Variants in TUBG2 observed in about 807,000 individuals in gnomAD.
TUBG2 encodes the protein tubulin gamma 2, also known as tubulin gamma-2 chain.
A neutral mutation model predicts 55.1 loss-of-function variants in TUBG2; 39 were observed. The ratio of observed to expected loss-of-function variants is 0.71; its 90% CI spans 0.55 to 0.93. The LOEUF is 0.93. TUBG2 is among the 40% of genes least tolerant of loss of function. The pLI is 0.00. For missense variants in TUBG2, 358 were observed against 599.1 expected, an observed-to-expected ratio of 0.60 and a Z score of 4.20; for synonymous variants, 223 against 241.0, an observed-to-expected ratio of 0.93 and a Z score of 0.69.
chr17:42,664,149 G>A (rs1285999440), intron 6 of TUBG2, among the ~76,000 whole-genome samples: 1 of 151,914 alleles, frequency 6.6e-6, no homozygotes, highest in African/African-American at 2.4e-5. Flanking sequence ...GGTGGCATGT[G>A]CCTGTAGTAC....
In TUBG2 at chr17:42,663,373, T is replaced by G; in HGVS notation, c.480-4T>G. On this transcript the variant is annotated splice_region_variant and splice_polypyrimidine_tract_variant and intron_variant, in intron 5 of 10. Transcript: ENST00000251412. ...CACTATGCCACCATCCTCTTTTCTC[T>G]CAGGTACCCCAAGAAGCTAGTGCAG... is the stretch of plus-strand genomic sequence containing the variant. The G allele has an allele frequency of 6.2e-7, 1 of 1,614,068 alleles. No individual in the cohort carries two copies. Among genetic ancestry groups the G allele is most frequent in the Non-Finnish European group, 8.5e-7 (1 of 1,179,986 alleles).
At position 42,666,414 on chromosome 17, in the gene TUBG2, A is replaced by C; in HGVS notation, c.1088A>C (p.Lys363Thr). Reference sequence around the variant, plus strand: ...AGCATCCAGGTGGCCCTGTCGAGGAAGTCTCCCTACCTGCCCTCGGCCCAC... The same window carrying C: ...AGCATCCAGGTGGCCCTGTCGAGGACGTCTCCCTACCTGCCCTCGGCCCAC... ...PASIQVALSR[K>T]SPYLPSAHRV... The change falls in exon 10 of 11, where the codon AAG (lysine) becomes ACG (threonine). Residue 363 changes from lysine to threonine, a missense_variant. Physicochemically the swap from Lys to Thr is moderately conservative, Grantham distance 78 (BLOSUM62 -1). Transcript: ENST00000251412. 2 of 1,614,178 alleles carry C rather than the reference A, an allele frequency of 1.2e-6. No individual in the cohort carries two copies. The highest frequency in any genetic ancestry group is 1.7e-6 in the Non-Finnish European group (2 of 1,179,996).
intron 6 of TUBG2, among the ~76,000 whole-genome samples, chr17:42,664,051 A>C (rs2052457023): frequency 6.6e-6 from 1 of 151,980 alleles, no homozygotes; most frequent in South Asian, 2.1e-4. Flanking sequence ...GGTTGCGGTG[A>C]GTCAAGATCA....
rs190361306 is a variant in TUBG2 at position 42,662,902 on chromosome 17, T to G, written c.400-71T>G. 2.5e-4 allele frequency: 376 copies of G among 1,490,544 alleles called. No individual in the cohort carries two copies. In the African/African-American group the frequency reaches 4.7e-3, roughly 19 times the overall value. 92.3% of individuals were successfully genotyped at this position (1,490,544 alleles called of 1,614,324 possible). On this transcript the variant is annotated intron_variant, in intron 4 of 10. Transcript: ENST00000251412. ...GATGTGTGTGGTAAGACCCCACCCATCTGGTATCAGAATTGTGTTGTGAGA... is the reference window on the plus strand; with the variant it reads ...GATGTGTGTGGTAAGACCCCACCCAGCTGGTATCAGAATTGTGTTGTGAGA...
Position 42,659,486 on chromosome 17 carries a change from G to T in TUBG2, c.-18G>T. The stretch of plus-strand genomic sequence containing the variant: ...ACTCTCGCCAGGCCGGGGCTGGCGC[G>T]CCCACGTCTGAAGAGCGATGCCCCG... On this transcript the variant is annotated 5_prime_UTR_variant, in exon 1 of 11. Transcript: ENST00000251412. 1 of 1,545,668 alleles carries T rather than the reference G, an allele frequency of 6.5e-7. No homozygotes were observed. Among genetic ancestry groups the T allele is most frequent in the Non-Finnish European group, 8.7e-7 (1 of 1,145,212 alleles).
At position 42,665,842 on chromosome 17, in the gene TUBG2, C is replaced by T. The variant is rs2052521972; in HGVS notation, c.843+15C>T. 2 of 1,614,128 alleles carry T rather than the reference C, an allele frequency of 1.2e-6. No homozygotes were observed. The highest frequency in any genetic ancestry group is 4.5e-5 in the East Asian group (2 of 44,890). On this transcript the variant is annotated intron_variant, in intron 8 of 10. Coordinates refer to ENST00000251412, the MANE Select transcript of TUBG2 (RefSeq NM_016437.3). ...CAGACCAGTCAGTAAGAGCAGCCTT[C>T]AGTGTCCCAGGCCAGGCTGGCCCTG...
At chr17:42,661,837 G>A (rs1406760109) in intron 4 of TUBG2, among the ~76,000 whole-genome samples, 2 of 152,324 alleles carry the variant, frequency 1.3e-5, no homozygotes, top group South Asian at 2.1e-4. Flanking sequence ...TGAGAACCTC[G>A]ATTTATAGCT....
chr17:42,666,907 C>A lies in TUBG2; in HGVS notation c.*107C>A. 8.1e-7 allele frequency: 1 copy of A among 1,229,478 alleles called. No individual in the cohort carries two copies. Among genetic ancestry groups the A allele is most frequent in the African/African-American group, 1.5e-5 (1 of 66,892 alleles). The allele number at this position is 1,229,478 out of a possible 1,614,324, so 76.2% of individuals were successfully genotyped here. A position where few individuals can be genotyped will look rare whatever the true frequency, so the allele number is the denominator to read the frequency against. ...TCATGGACAACCCTTCTTGGTTCATCTCCAGCCCGTGAGCTGGTCCTGCTT... is the reference window on the plus strand; with the variant it reads ...TCATGGACAACCCTTCTTGGTTCATATCCAGCCCGTGAGCTGGTCCTGCTT... On this transcript the variant is annotated 3_prime_UTR_variant, in exon 11 of 11. Transcript: ENST00000251412.
At position 42,666,745 on chromosome 17, in the gene TUBG2, A is replaced by G. The variant is rs772042715; in HGVS notation, c.1301A>G (p.Glu434Gly). 3.7e-6 allele frequency: 6 copies of G among 1,614,136 alleles called. No individual in the cohort carries two copies. The Admixed American group carries it at 1.0e-4, about 27-fold the overall frequency. The change falls in exon 11 of 11, where the codon GAG (glutamate) becomes GGG (glycine). Residue 434 changes from glutamate (E) to glycine (G), a missense_variant. By Grantham distance (98) the Glu-to-Gly change is moderately conservative. Coordinates refer to ENST00000251412, the MANE Select transcript of TUBG2 (RefSeq NM_016437.3). ...SREVVQELID[E>G]YHAATQPDYI... ...GAGGTTGTTCAGGAGCTCATTGATGAGTACCATGCGGCCACCCAGCCAGAC... is the reference window on the plus strand; with the variant it reads ...GAGGTTGTTCAGGAGCTCATTGATGGGTACCATGCGGCCACCCAGCCAGAC...
At chr17:42,659,652 C>A (rs1399394794) in intron 1 of TUBG2, 100 bp downstream of exon 1, 2 of 1,397,204 alleles carry the variant, frequency 1.4e-6, no homozygotes, top group Non-Finnish European at 1.9e-6. Context: ...CTTCCATGAA[C>A]CCCCTGCCCT....
chr17:42,660,802 C>T, intron 4 of TUBG2, 95 bp downstream of exon 4: 2 of 1,000,260 alleles, frequency 2.0e-6, no homozygotes, highest in Non-Finnish European at 3.1e-6. Flanking sequence ...ATGAGGGGAG[C>T]AATTCAATTC....
In TUBG2 at chr17:42,663,419, C is replaced by G. The variant is rs2052437491; in HGVS notation, c.522C>G (p.Tyr174Ter). The change falls in exon 6 of 11, where the codon TAC becomes TAG. Residue 174 changes from tyrosine to a stop codon, truncating the protein, a stop_gained. Transcript: ENST00000251412. LOFTEE classifies it high-confidence loss of function. ...KLVQTYSVFP[Y>*]QDEMSDVVVQ... ...TGCAGACTTATTCAGTGTTTCCCTACCAGGACGAGATGAGCGACGTAGTGG... is the reference window on the plus strand; with the variant it reads ...TGCAGACTTATTCAGTGTTTCCCTAGCAGGACGAGATGAGCGACGTAGTGG... 1 of 1,614,146 alleles carries G rather than the reference C, an allele frequency of 6.2e-7. No homozygotes were observed. The highest frequency in any genetic ancestry group is 8.5e-7 in the Non-Finnish European group (1 of 1,180,026).
intron 4 of TUBG2, 36 bp from the exon 5 acceptor site, chr17:42,662,937 G>A (rs749107518): frequency 3.1e-6 from 5 of 1,601,216 alleles, no homozygotes; most frequent in South Asian, 1.1e-5. Flanking sequence ...AGTGTGGCAG[G>A]AGAAACTGAG....
chr17:42,659,473 C>G lies in TUBG2; in HGVS notation c.-31C>G. The G allele has an allele frequency of 6.5e-7, 1 of 1,543,240 alleles. No individual in the cohort carries two copies. Among genetic ancestry groups the G allele is most frequent in the African/African-American group, 1.4e-5 (1 of 72,930 alleles). ...CGTCTCAGCCGTGACTCTCGCCAGGCCGGGGCTGGCGCGCCCACGTCTGAA... is the reference window on the plus strand; with the variant it reads ...CGTCTCAGCCGTGACTCTCGCCAGGGCGGGGCTGGCGCGCCCACGTCTGAA... On this transcript the variant is annotated 5_prime_UTR_variant, in exon 1 of 11. Coordinates refer to ENST00000251412, the MANE Select transcript of TUBG2 (RefSeq NM_016437.3).
At chr17:42,662,846 T>C in intron 4 of TUBG2, 127 bp from the exon 5 acceptor site, 1 of 781,482 alleles carries the variant, frequency 1.3e-6, no homozygotes, top group Non-Finnish European at 2.1e-6. Context: ...GATACCCAGC[T>C]GGCATCTACT....
intron 6 of TUBG2, among the ~76,000 whole-genome samples, chr17:42,664,495 C>G (rs1189758950): frequency 6.6e-6 from 1 of 152,090 alleles, no homozygotes; most frequent in Admixed American, 6.6e-5. Context: ...CCCCACACCA[C>G]CACGTATCCC....
In TUBG2 at chr17:42,666,243, G is replaced by A. The variant is rs1043972605; in HGVS notation, c.996+4G>A. 6.2e-7 allele frequency: 1 copy of A among 1,614,000 alleles called. No homozygotes were observed. Among genetic ancestry groups the A allele is most frequent in the Non-Finnish European group, 8.5e-7 (1 of 1,179,880 alleles). On this transcript the variant is annotated splice_donor_region_variant and intron_variant, in intron 9 of 10. Transcript: ENST00000251412. The stretch of plus-strand genomic sequence containing the variant: ...GGGAGAGGTGGACCCCACCCAGGTA[G>A]GGGAGGCCCCTTCATCCCGCGCCCT...
At chr17:42,660,550 C>A (rs1038002456) in intron 3 of TUBG2, 89 bp from the exon 4 acceptor site, 3 of 1,387,972 alleles carry the variant, frequency 2.2e-6, no homozygotes, top group Non-Finnish European at 2.0e-6. Context: ...AACAATATTC[C>A]AGGGTAGACA....
At chr17:42,660,477 AT>A in intron 3 of TUBG2, 161 bp downstream of exon 3, 1 of 1,340,630 alleles carries the variant, frequency 7.5e-7, no homozygotes, top group Non-Finnish European at 1.0e-6. Context: ...TTTTGTGCAA[AT>A]CATTTGCAAT....
Sources: gnomAD v4.1 joint callset for allele counts (sites outside exome capture counted in the v4.1 genomes callset) on GRCh38, gnomAD v4.1.1 for gene constraint, MANE v1.5 for transcripts, NCBI Gene and HGNC (gene_info 2026-07-23, HGNC 2026-07-21) for gene names.